The following ALDH1A2 variants were observed in gnomAD, a reference collection of about 807,000 sequenced individuals.
ALDH1A2 encodes retinal dehydrogenase 2.
Under a neutral mutation model 60.3 loss-of-function variants are expected in ALDH1A2, and 27 were observed. The ratio of observed to expected loss-of-function variants is 0.45; its 90% CI spans 0.33 to 0.62. ALDH1A2 has a LOEUF of 0.62. Among genes scored for constraint, ALDH1A2 ranks in the 20% least tolerant of loss-of-function variants. The pLI is 0.02. For missense variants in ALDH1A2, 581 were observed against 643.8 expected, an observed-to-expected ratio of 0.90 and a Z score of 1.06; for synonymous variants, 289 against 232.4, an observed-to-expected ratio of 1.24 and a Z score of -2.21.
chr15:57,969,837 C>T (rs1326441843), intron 7 of ALDH1A2, among the ~76,000 whole-genome samples: 1 of 152,158 alleles, frequency 6.6e-6, no homozygotes, highest in African/African-American at 2.4e-5. Flanking sequence ...TACCTCCTGC[C>T]CCATTGCTGA....
chr15:58,005,020 T>C (rs1317518326), intron 4 of ALDH1A2, among the ~76,000 whole-genome samples: 2 of 151,828 alleles, frequency 1.3e-5, no homozygotes, highest in African/African-American at 4.8e-5. Flanking sequence ...CTCACCTATT[T>C]AATTTGGTGA....
intron 7 of ALDH1A2, among the ~76,000 whole-genome samples, chr15:57,987,469 A>G (rs1894742627): frequency 6.6e-6 from 1 of 152,222 alleles, no homozygotes; most frequent in African/African-American, 2.4e-5. Context: ...GCTGTATCTC[A>G]TCAGAAACAG....
At chr15:57,966,007 C>T (rs1893885289) in intron 7 of ALDH1A2, among the ~76,000 whole-genome samples, 180 bp from the exon 8 acceptor site, 1 of 152,246 alleles carries the variant, frequency 6.6e-6, no homozygotes, top group East Asian at 1.9e-4. Context: ...AGTTTAATGT[C>T]CATGCTGGAG....
At chr15:57,984,970 C>T (rs1894647479) in intron 7 of ALDH1A2, among the ~76,000 whole-genome samples, 1 of 151,958 alleles carries the variant, frequency 6.6e-6, no homozygotes. Context: ...GGGATAAATC[C>T]CACTTGGTCA....
chr15:58,040,524 G>C (rs1179327557), intron 1 of ALDH1A2, among the ~76,000 whole-genome samples: 1 of 151,862 alleles, frequency 6.6e-6, no homozygotes, highest in Non-Finnish European at 1.5e-5. Flanking sequence ...TACGATGTAG[G>C]CATTATTTCC....
At chr15:58,065,275 G>A (rs1897147725) in intron 1 of ALDH1A2, 4 of 511,414 alleles carry the variant, frequency 7.8e-6, no homozygotes, top group East Asian at 3.7e-5. Flanking sequence ...CAGAGTCCGG[G>A]GCAGGAGCCG....
At chr15:58,057,337 A>G (rs1180739230) in intron 1 of ALDH1A2, among the ~76,000 whole-genome samples, 2 of 152,144 alleles carry the variant, frequency 1.3e-5, no homozygotes, top group African/African-American at 2.4e-5. Flanking sequence ...TATGGTACAT[A>G]TATATAAAAC....
intron 7 of ALDH1A2, chr15:57,991,337 CA>C (rs1253193311): frequency 1.8e-4 from 28 of 152,166 alleles, no homozygotes; most frequent in African/African-American, 6.7e-4. Context: ...TGCAAAATTA[CA>C]ATAACAAATA....
At chr15:57,990,076 A>G (rs1894843664) in intron 7 of ALDH1A2, 1 of 152,232 alleles carries the variant, frequency 6.6e-6, no homozygotes, top group Admixed American at 6.5e-5. Context: ...ACTACATGAG[A>G]ATTTAAAATC....
intron 1 of ALDH1A2, among the ~76,000 whole-genome samples, chr15:58,044,856 G>A (rs994805099): frequency 5.9e-5 from 9 of 151,968 alleles, no homozygotes; most frequent in Non-Finnish European, 1.2e-4. Context: ...GAATGGCCAA[G>A]CTAACTGATT....
At chr15:57,967,188 T>TA (rs1358454484) in intron 7 of ALDH1A2, among the ~76,000 whole-genome samples, 1 of 144,940 alleles carries the variant, frequency 6.9e-6, no homozygotes, top group East Asian at 2.0e-4. Context: ...TTTTTTTTTT[T>TA]AACCAGTTCT....
At chr15:57,981,637 C>G (rs529164024) in intron 7 of ALDH1A2, among the ~76,000 whole-genome samples, 4 of 152,276 alleles carry the variant, frequency 2.6e-5, no homozygotes, top group African/African-American at 9.6e-5. Flanking sequence ...CCAAAAGTCA[C>G]ACAGCAGGAA....
At position 58,026,712 on chromosome 15, in the gene ALDH1A2, T is replaced by G. The variant is rs989596013; in HGVS notation, c.118-12431A>C. ...TCTTAGCAAGCAGCAGACCAACGTA[T>G]TCCCTCCCATGCCAGGTTCGGCGGG... is the stretch of plus-strand genomic sequence containing the variant. On this transcript the variant is annotated intron_variant, in intron 1 of 12. Transcript: ENST00000249750. Among the ~76,000 whole-genome samples the G allele has an allele frequency of 2.0e-5, 3 of 152,268 alleles. No homozygotes were observed. In the South Asian group the frequency reaches 6.2e-4, roughly 32 times the overall value.
At chr15:58,029,423 A>G (rs1338990825) in intron 1 of ALDH1A2, among the ~76,000 whole-genome samples, 1 of 152,190 alleles carries the variant, frequency 6.6e-6, no homozygotes, top group Non-Finnish European at 1.5e-5. Context: ...ATAGCAGTAA[A>G]TGCCCACAAG....
intron 1 of ALDH1A2, among the ~76,000 whole-genome samples, chr15:58,027,946 G>A (rs1250587982): frequency 6.6e-6 from 1 of 152,146 alleles, no homozygotes; most frequent in Non-Finnish European, 1.5e-5. Flanking sequence ...AAGTGACGGG[G>A]ACAATGGAAC....
intron 5 of ALDH1A2, among the ~76,000 whole-genome samples, chr15:57,994,314 C>T (rs1451476176): frequency 1.3e-5 from 2 of 152,216 alleles, no homozygotes; most frequent in African/African-American, 4.8e-5. Context: ...ATCTTCCCCA[C>T]ATCTTTGGTT....
intron 7 of ALDH1A2, among the ~76,000 whole-genome samples, chr15:57,978,542 T>C (rs1258376612): frequency 2.0e-5 from 3 of 152,184 alleles, no homozygotes; most frequent in Admixed American, 6.5e-5. Flanking sequence ...GCCGACTGGA[T>C]TGTGGTGGAT....
At chr15:58,033,469 T>TTA (rs1896297112) in intron 1 of ALDH1A2, among the ~76,000 whole-genome samples, 1 of 151,894 alleles carries the variant, frequency 6.6e-6, no homozygotes, top group African/African-American at 2.4e-5. Flanking sequence ...TCATGGTATT[T>TTA]TATCATGCAT....
chr15:58,043,146 C>G (rs1372628338), intron 1 of ALDH1A2, among the ~76,000 whole-genome samples: 1 of 151,856 alleles, frequency 6.6e-6, no homozygotes, highest in Non-Finnish European at 1.5e-5. Flanking sequence ...ATGAGGGTAC[C>G]AGACCTGGTG....
Sources: gnomAD v4.1 joint callset for allele counts (sites outside exome capture counted in the v4.1 genomes callset) on GRCh38, gnomAD v4.1.1 for gene constraint, MANE v1.5 for transcripts, NCBI Gene and HGNC (gene_info 2026-07-23, HGNC 2026-07-21) for gene names.